The following ABR variants were observed in gnomAD, a reference collection of about 807,000 sequenced individuals.
The protein encoded by ABR is ABR activator of RhoGEF and GTPase, also known as active breakpoint cluster region-related protein.
A neutral mutation model predicts 107.2 loss-of-function variants in ABR; 35 were observed. The observed-to-expected ratio is 0.33, with a 90% CI of 0.25 to 0.43. The LOEUF (loss-of-function observed/expected upper bound fraction) is 0.43. Ranked by LOEUF, ABR falls within the 20% of genes least tolerant of loss-of-function variation. ABR has a pLI of 1.00. For synonymous variants in ABR, 498 were observed against 462.0 expected (o/e 1.08, Z -1.00); for missense variants, 815 against 1,115.2 (o/e 0.73, Z 3.83).
intron 1 of ABR, among the ~76,000 whole-genome samples, chr17:1,206,267 C>T (rs553049108): frequency 1.3e-5 from 2 of 152,212 alleles, no homozygotes; most frequent in Non-Finnish European, 2.9e-5. Context: ...AGTGTAACTG[C>T]CACGTGACTG....
chr17:1,169,082 C>A (rs1264219130), intron 1 of ABR, among the ~76,000 whole-genome samples: 1 of 152,224 alleles, frequency 6.6e-6, no homozygotes, highest in African/African-American at 2.4e-5. Context: ...GCTCCATTAA[C>A]ACCAAAGCTG....
intron 1 of ABR, among the ~76,000 whole-genome samples, chr17:1,170,781 G>T (rs891617425): frequency 3.3e-5 from 5 of 152,106 alleles, no homozygotes; most frequent in South Asian, 2.1e-4. Flanking sequence ...TAGTTTCTAT[G>T]AATCCATCAG....
At chr17:1,013,798 C>G (rs1387122858) in intron 16 of ABR, among the ~76,000 whole-genome samples, 1 of 152,228 alleles carries the variant, frequency 6.6e-6, no homozygotes, top group Non-Finnish European at 1.5e-5. Context: ...AGCAAATCCT[C>G]CACAGGGGAA....
Position 1,011,802 on chromosome 17 carries a change from T to C in ABR, c.2101+44A>G. On this transcript the variant is annotated intron_variant, in intron 19 of 22. Coordinates refer to ENST00000302538, the MANE Select transcript of ABR (RefSeq NM_021962.5). This position sits in a 1 kb window ranked among gnomAD's most constrained non-coding sequence, Gnocchi z 4.8. ...TCTCCTGTCCATCCCACCAGCCTGC[T>C]CAGACACAGCCACACCTGCCCCGGC... The C allele has an allele frequency of 1.3e-6, 2 of 1,535,884 alleles. No homozygotes were observed. Among genetic ancestry groups the C allele is most frequent in the Non-Finnish European group, 1.8e-6 (2 of 1,135,550 alleles).
At chr17:1,049,885 G>A in intron 16 of ABR, 165 bp downstream of exon 16, 1 of 965,682 alleles carries the variant, frequency 1.0e-6, no homozygotes, top group Middle Eastern at 3.2e-4. Flanking sequence ...GGCCACAACA[G>A]GCAGCCACCT....
chr17:1,059,882 C>T (rs547342087), intron 10 of ABR, among the ~76,000 whole-genome samples: 2 of 152,202 alleles, frequency 1.3e-5, no homozygotes, highest in Non-Finnish European at 2.9e-5. Flanking sequence ...GTCACCCTCA[C>T]ACACCGCAGG....
chr17:1,206,586 G>A (rs1377887770), intron 1 of ABR, among the ~76,000 whole-genome samples: 1 of 152,112 alleles, frequency 6.6e-6, no homozygotes, highest in East Asian at 1.9e-4. Context: ...CTGGGCTGCA[G>A]CTTGTTTAGT....
intron 16 of ABR, among the ~76,000 whole-genome samples, chr17:1,031,230 C>A (rs560818197): frequency 3.3e-5 from 5 of 152,306 alleles, no homozygotes; most frequent in African/African-American, 1.2e-4. Context: ...GCCAGCAAGG[C>A]CCGCTGGATG....
At chr17:1,018,700 A>T (rs376697122) in intron 16 of ABR, among the ~76,000 whole-genome samples, 6 of 152,216 alleles carry the variant, frequency 3.9e-5, no homozygotes, top group African/African-American at 1.4e-4. Flanking sequence ...GTGAACTTCA[A>T]TTTCCTCATG....
At chr17:1,204,164 G>C (rs542012157) in intron 1 of ABR, among the ~76,000 whole-genome samples, 2 of 152,202 alleles carry the variant, frequency 1.3e-5, no homozygotes, top group African/African-American at 4.8e-5. Context: ...CTTAATGTGG[G>C]CCGGGCGCGG....
intron 1 of ABR, among the ~76,000 whole-genome samples, chr17:1,146,681 C>T (rs28374195): frequency 0.28 from 41,489 of 147,618 alleles, 6,043 homozygotes; most frequent in Non-Finnish European, 0.33. Flanking sequence ...CCACCACTGC[C>T]ACACGACACC....
intron 16 of ABR, among the ~76,000 whole-genome samples, chr17:1,014,513 G>C (rs556125385): frequency 1.2e-3 from 184 of 151,792 alleles, no homozygotes; most frequent in African/African-American, 4.1e-3. Context: ...CCCAATTTCA[G>C]GGCTTATTAT....
Position 1,152,182 on chromosome 17 carries a change from C to T in ABR, c.62-26815G>A, listed in dbSNP as rs191549277. Among the ~76,000 whole-genome samples the T allele has an allele frequency of 3.9e-3, 591 of 151,864 alleles. 1 individual carries two copies. The highest frequency in any genetic ancestry group is 0.014 in the Middle Eastern group (4 of 292). ...GCAGGTGCCTGTAGTCCCATCTACT[C>T]GGGAGGCTGAGGCAGGAGAATGGCG... On this transcript the variant is annotated intron_variant, in intron 1 of 22. Transcript: ENST00000302538.
intron 1 of ABR, among the ~76,000 whole-genome samples, chr17:1,217,044 G>T (rs758199880): frequency 6.6e-6 from 1 of 152,204 alleles, no homozygotes; most frequent in Non-Finnish European, 1.5e-5. Flanking sequence ...CATCATGGAG[G>T]CTCATTAGAG....
intron 1 of ABR, among the ~76,000 whole-genome samples, chr17:1,192,916 CGG>C (rs1262871138): frequency 1.4e-4 from 21 of 151,888 alleles, no homozygotes; most frequent in Admixed American, 3.3e-4. Context: ...GGTGTGGTGG[CGG>C]GCGCCTGTAA....
Position 1,156,189 on chromosome 17 carries a change from G to A in ABR, c.61+23478C>T, listed in dbSNP as rs1419639092. ...GCAGACGGGTATCTAAGGGGCACATGCTGTGGGGAAGAGCCTAGGCCTCCG... is the reference window on the plus strand; with the variant it reads ...GCAGACGGGTATCTAAGGGGCACATACTGTGGGGAAGAGCCTAGGCCTCCG... On this transcript the variant is annotated intron_variant, in intron 1 of 22. Transcript: ENST00000302538. 6 of 152,314 alleles carry A rather than the reference G, an allele frequency of 3.9e-5. No homozygotes were observed. The East Asian group carries it at 1.2e-3, about 29-fold the overall frequency. The allele number at this position is 152,314 out of a possible 1,614,324, so 9.4% of individuals were successfully genotyped here.
At chr17:1,014,358 G>T (rs1269261507) in intron 16 of ABR, among the ~76,000 whole-genome samples, 4 of 131,772 alleles carry the variant, frequency 3.0e-5, no homozygotes, top group Middle Eastern at 3.8e-3. Flanking sequence ...GGAGAATAGC[G>T]TGAACCCGGG....
intron 1 of ABR, among the ~76,000 whole-genome samples, chr17:1,193,275 C>G (rs1002022817): frequency 6.6e-5 from 10 of 150,954 alleles, no homozygotes; most frequent in Non-Finnish European, 1.2e-4. Context: ...ACACCCCCTC[C>G]CCCTCAATAC....
rs1210117948 is a variant in ABR, at chr17:1,057,024, T to G, written c.1460A>C (p.Asn487Thr). 2 of 1,611,710 alleles carry G rather than the reference T, an allele frequency of 1.2e-6. No homozygotes were observed. The highest frequency in any genetic ancestry group is 2.2e-5 in the South Asian group (2 of 90,982). Reference sequence around the variant, plus strand: ...GTCTTTATTGCTGGTGACAGGAATGTTGTGTACAGTCCTAAGCTTGAAACA... The same window carrying G: ...GTCTTTATTGCTGGTGACAGGAATGGTGTGTACAGTCCTAAGCTTGAAACA... ...GSCFKLRTVH[N>T]IPVTSNKDDD... Residue 487 changes from asparagine (N) to threonine (T), a missense_variant, in exon 13 of 23, where the codon AAC becomes ACC. Asn to Thr is a moderately conservative substitution (Grantham distance 65). Transcript: ENST00000302538.
Sources: gnomAD v4.1 joint callset for allele counts (sites outside exome capture counted in the v4.1 genomes callset) on GRCh38, gnomAD v4.1.1 for gene constraint, Gnocchi (gnomAD v3.1) non-coding constraint, MANE v1.5 for transcripts, NCBI Gene and HGNC (gene_info 2026-07-23, HGNC 2026-07-21) for gene names.